The following SOX5 variants were observed in gnomAD, a reference collection of about 807,000 sequenced individuals.
SOX5 encodes the protein transcription factor SOX-5.
In SOX5, 9 loss-of-function variants were observed where a neutral mutation model predicts 92.0. The observed-to-expected ratio is 0.10, with a 90% CI of 0.06 to 0.17. The LOEUF (loss-of-function observed/expected upper bound fraction) is 0.17, where lower values mean the gene tolerates loss of function less well. Ranked by LOEUF, SOX5 falls within the 10% of genes least tolerant of loss-of-function variation. The probability of loss-of-function intolerance (pLI) is 1.00; values close to 1 mark genes in which losing one functional copy is unlikely to be tolerated. For synonymous variants in SOX5, 344 were observed against 336.3 expected, an observed-to-expected ratio of 1.02 and a Z score of -0.25; for missense variants, 642 against 944.5, an observed-to-expected ratio of 0.68 and a Z score of 4.20.
intron 4 of SOX5, among the ~76,000 whole-genome samples, chr12:24,062,132 T>C (rs1162784273): frequency 6.6e-6 from 1 of 152,128 alleles, no homozygotes; most frequent in African/African-American, 2.4e-5. Context: ...GACATCCCAA[T>C]AAGATAGTTG....
At chr12:23,798,595 G>C (rs901451127) in intron 3 of SOX5, among the ~76,000 whole-genome samples, 2 of 71,388 alleles carry the variant, frequency 2.8e-5, no homozygotes, top group South Asian at 5.1e-4. Flanking sequence ...AATGGCAAAA[G>C]AACCAAAAAA....
intron 3 of SOX5, among the ~76,000 whole-genome samples, chr12:23,814,572 G>A (rs1033682880): frequency 2.0e-5 from 3 of 152,128 alleles, no homozygotes; most frequent in Non-Finnish European, 2.9e-5. Context: ...TTCCCTGGAC[G>A]TACACAATTT....
chr12:24,159,290 A>G (rs542413474), intron 4 of SOX5, among the ~76,000 whole-genome samples: 1 of 152,100 alleles, frequency 6.6e-6, no homozygotes, highest in South Asian at 2.1e-4. Flanking sequence ...GAAGTTAAGT[A>G]AAACAAGGTC....
At chr12:23,789,702 T>C (rs1307611046) in intron 3 of SOX5, among the ~76,000 whole-genome samples, 1 of 152,106 alleles carries the variant, frequency 6.6e-6, no homozygotes, top group Non-Finnish European at 1.5e-5. Flanking sequence ...TATGCCAACC[T>C]CAATTTCAAG....
chr12:24,502,139 A>G (rs1044258611), intron 1 of SOX5, among the ~76,000 whole-genome samples: 5 of 152,232 alleles, frequency 3.3e-5, no homozygotes, highest in African/African-American at 1.2e-4. Context: ...ACCTTCTAAA[A>G]TAACATTATT....
chr12:24,284,116 AGATTT>A (rs1365716105), intron 2 of SOX5, among the ~76,000 whole-genome samples: 8 of 152,344 alleles, frequency 5.3e-5, no homozygotes, highest in Admixed American at 4.6e-4. Flanking sequence ...CCACAAAATT[AGATTT>A]AAGTAGCGGT....
At chr12:24,350,435 C>T (rs192092184) in intron 2 of SOX5, among the ~76,000 whole-genome samples, 4 of 152,314 alleles carry the variant, frequency 2.6e-5, no homozygotes, top group African/African-American at 9.6e-5. Context: ...ACCTCAACCT[C>T]CCAGGCTCAA....
At chr12:23,663,896 C>T (rs10771013) in intron 7 of SOX5, among the ~76,000 whole-genome samples, 150,785 of 152,240 alleles carry the variant, frequency 0.99, 74,690 homozygotes, top group East Asian at 1. Flanking sequence ...AAAGGTAGGA[C>T]GATGCGGAAA....
intron 1 of SOX5, among the ~76,000 whole-genome samples, chr12:24,484,025 T>G (rs1946269581): frequency 1.3e-5 from 2 of 152,208 alleles, no homozygotes. Flanking sequence ...CTTAAAAGCG[T>G]TGTGAGAAAT....
chr12:23,576,668 C>A (rs1174800202), intron 9 of SOX5, among the ~76,000 whole-genome samples: 2 of 152,008 alleles, frequency 1.3e-5, no homozygotes, highest in East Asian at 3.9e-4. Flanking sequence ...AATTTTAAAT[C>A]GTTCTCTTAG....
At chr12:23,973,502 T>C (rs1042628264) in intron 4 of SOX5, among the ~76,000 whole-genome samples, 19 of 152,304 alleles carry the variant, frequency 1.2e-4, no homozygotes, top group African/African-American at 4.6e-4. Flanking sequence ...GGGAAGCCAC[T>C]GTATATATAC....
chr12:23,640,454 C>T (rs1014264180), intron 8 of SOX5, among the ~76,000 whole-genome samples: 6 of 152,142 alleles, frequency 3.9e-5, no homozygotes, highest in South Asian at 2.1e-4. Context: ...TTTGTTAAGT[C>T]GCCTTGCTCC....
intron 4 of SOX5, among the ~76,000 whole-genome samples, chr12:24,108,913 T>C (rs541311372): frequency 3.7e-4 from 57 of 152,290 alleles, no homozygotes; most frequent in Middle Eastern, 6.8e-3. Flanking sequence ...GGGTTCATTA[T>C]ATAGTCATCA....
In SOX5 at chr12:23,913,486, C is replaced by T. The variant is rs113657622; in HGVS notation, c.39-17462G>A. On this transcript the variant is annotated intron_variant, in intron 1 of 14. Coordinates refer to ENST00000451604, the MANE Select transcript of SOX5 (RefSeq NM_006940.6). The stretch of plus-strand genomic sequence containing the variant: ...GGCACAGTGGCTCATGCCTGTAATC[C>T]CAGTACTTTGGGAGGCCGAGGCAGG... Among the ~76,000 whole-genome samples, 528 of 151,968 alleles carry T rather than the reference C, an allele frequency of 3.5e-3. 2 individuals are homozygous for T. The highest frequency in any genetic ancestry group is 0.012 in the African/African-American group (499 of 41,452).
chr12:23,597,228 T>C (rs1410098631), intron 9 of SOX5, among the ~76,000 whole-genome samples: 1 of 152,248 alleles, frequency 6.6e-6, no homozygotes, highest in Non-Finnish European at 1.5e-5. Context: ...CCCAGGCTGG[T>C]AAAATTCAAA....
chr12:24,146,522 A>AT (rs972281745), intron 4 of SOX5, among the ~76,000 whole-genome samples: 2 of 152,094 alleles, frequency 1.3e-5, no homozygotes, highest in African/African-American at 4.8e-5. Context: ...TGTCTATACT[A>AT]TTTTTTTAAA....
intron 1 of SOX5, among the ~76,000 whole-genome samples, chr12:24,534,665 G>A (rs1264653624): frequency 2.0e-5 from 3 of 152,174 alleles, no homozygotes; most frequent in South Asian, 2.1e-4. Flanking sequence ...TATGTTTAAC[G>A]TGTTCACTGA....
intron 3 of SOX5, among the ~76,000 whole-genome samples, chr12:23,804,947 A>G (rs1403017073): frequency 4.9e-5 from 1 of 20,270 alleles, no homozygotes; most frequent in Non-Finnish European, 9.7e-5. Flanking sequence ...ATATATATAT[A>G]TATATATATA....
At chr12:24,229,963 A>G (rs564271094) in intron 3 of SOX5, among the ~76,000 whole-genome samples, 1 of 152,298 alleles carries the variant, frequency 6.6e-6, no homozygotes, top group Admixed American at 6.5e-5. Flanking sequence ...CAGTTCCCCT[A>G]TCTTGTTTTT....
Sources: gnomAD v4.1 joint callset for allele counts (sites outside exome capture counted in the v4.1 genomes callset) on GRCh38, gnomAD v4.1.1 for gene constraint, MANE v1.5 for transcripts, NCBI Gene and HGNC (gene_info 2026-07-23, HGNC 2026-07-21) for gene names.